The following MACROD2 variants were observed in gnomAD, a reference collection of about 807,000 sequenced individuals.
The protein encoded by MACROD2 is ADP-ribose glycohydrolase MACROD2.
Under a neutral mutation model 70.4 loss-of-function variants are expected in MACROD2, and 36 were observed. That is an observed-to-expected ratio of 0.51 (90% confidence interval 0.39 to 0.68). The LOEUF is 0.68. Ranked by LOEUF, MACROD2 falls within the 30% of genes least tolerant of loss-of-function variation. The pLI, the probability that MACROD2 is intolerant of heterozygous loss-of-function variation, is 0.00. For synonymous variants in MACROD2, 172 were observed against 178.8 expected, an observed-to-expected ratio of 0.96 and a Z score of 0.30; for missense variants, 496 against 538.4, an observed-to-expected ratio of 0.92 and a Z score of 0.78.
intron 2 of MACROD2, among the ~76,000 whole-genome samples, chr20:14,004,715 G>T (rs1432177626): frequency 6.6e-6 from 1 of 151,910 alleles, no homozygotes; most frequent in Admixed American, 6.6e-5. Context: ...TATACATATG[G>T]TTATATTTGA....
chr20:15,460,977 C>CATATATATATATATATATAT (rs1157335873), intron 7 of MACROD2, among the ~76,000 whole-genome samples: 27 of 69,694 alleles, frequency 3.9e-4, no homozygotes, highest in Admixed American at 5.4e-4. Flanking sequence ...TCTCTCTCTC[C>CATATATATATATATATATAT]ATATATATAT....
chr20:14,257,133 C>T (rs1345820982), intron 3 of MACROD2, among the ~76,000 whole-genome samples: 1 of 152,118 alleles, frequency 6.6e-6, no homozygotes, highest in Non-Finnish European at 1.5e-5. Flanking sequence ...GTGGTCTTTA[C>T]CCTGCACCAA....
At chr20:14,075,196 A>G (rs1017180020) in intron 2 of MACROD2, among the ~76,000 whole-genome samples, 2 of 152,242 alleles carry the variant, frequency 1.3e-5, no homozygotes, top group South Asian at 2.1e-4. Context: ...GAGATTTACT[A>G]TAAGAACAAA....
At chr20:15,660,066 A>G (rs1250601457) in intron 8 of MACROD2, among the ~76,000 whole-genome samples, 2 of 152,126 alleles carry the variant, frequency 1.3e-5, no homozygotes, top group African/African-American at 2.4e-5. Context: ...AACTTCATAC[A>G]GTCACATAAA....
intron 3 of MACROD2, among the ~76,000 whole-genome samples, chr20:14,492,074 C>T (rs2084801512): frequency 6.6e-6 from 1 of 152,200 alleles, no homozygotes; most frequent in African/African-American, 2.4e-5. Flanking sequence ...CCTCATGCCC[C>T]TTCAATAAGT....
chr20:14,802,907 A>C (rs1431088040), intron 5 of MACROD2, among the ~76,000 whole-genome samples: 1 of 152,120 alleles, frequency 6.6e-6, no homozygotes, highest in East Asian at 1.9e-4. Context: ...TATTAGAGAT[A>C]TGCCTACCAT....
chr20:15,340,084 G>A (rs6043219), intron 6 of MACROD2, among the ~76,000 whole-genome samples: 28,075 of 143,314 alleles, frequency 0.2, 2,893 homozygotes, highest in Non-Finnish European at 0.23. Flanking sequence ...GTGCTTTTTC[G>A]TCCTTTGTCA....
chr20:14,876,069 A>G lies in MACROD2; in HGVS notation c.418+191110A>G, dbSNP rs181795712. Among the ~76,000 whole-genome samples, 358 of 152,260 alleles carry G rather than the reference A, an allele frequency of 2.4e-3. 2 individuals carry two copies. The highest frequency in any genetic ancestry group is 8.3e-3 in the African/African-American group (344 of 41,568). Reference sequence around the variant, plus strand: ...ACTGCTTTCTACAGTTTAGAAATTGATCTAATTTACACTCCCACCAACAAA... The same window carrying G: ...ACTGCTTTCTACAGTTTAGAAATTGGTCTAATTTACACTCCCACCAACAAA... On this transcript the variant is annotated intron_variant, in intron 5 of 17. Transcript: ENST00000684519.
intron 6 of MACROD2, among the ~76,000 whole-genome samples, chr20:15,320,738 C>A (rs980111018): frequency 2.0e-5 from 3 of 152,126 alleles, no homozygotes; most frequent in African/African-American, 4.8e-5. Context: ...CAGGCACTTA[C>A]TCCTTAGGTC....
intron 5 of MACROD2, among the ~76,000 whole-genome samples, chr20:15,066,298 A>AT (rs549417750): frequency 6.4e-4 from 97 of 151,092 alleles, no homozygotes; most frequent in African/African-American, 1.9e-3. Flanking sequence ...CGCCTGGCTA[A>AT]TTTTTTTGTA....
intron 5 of MACROD2, among the ~76,000 whole-genome samples, chr20:15,172,498 T>G (rs1296638929): frequency 6.6e-6 from 1 of 152,208 alleles, no homozygotes; most frequent in Non-Finnish European, 1.5e-5. Flanking sequence ...GCTATCCTCC[T>G]GCCTCAGCCT....
chr20:15,508,921 G>A (rs2047463391), intron 8 of MACROD2, among the ~76,000 whole-genome samples: 1 of 152,120 alleles, frequency 6.6e-6, no homozygotes, highest in Admixed American at 6.5e-5. Context: ...CAAAACTGAA[G>A]CAAAAAGCAG....
chr20:14,171,379 C>T (rs770049025), intron 3 of MACROD2, among the ~76,000 whole-genome samples: 78 of 152,050 alleles, frequency 5.1e-4, no homozygotes, highest in Middle Eastern at 3.4e-3. Context: ...TTTTCTTCTT[C>T]TGGATTTGGA....
At chr20:14,043,454 C>T (rs1035804250) in intron 2 of MACROD2, among the ~76,000 whole-genome samples, 2 of 152,162 alleles carry the variant, frequency 1.3e-5, no homozygotes, top group Non-Finnish European at 2.9e-5. Flanking sequence ...CCTAGAGGAA[C>T]CTTTATGTGT....
At chr20:15,354,631 T>A (rs1005912217) in intron 6 of MACROD2, among the ~76,000 whole-genome samples, 3 of 151,630 alleles carry the variant, frequency 2.0e-5, no homozygotes, top group Non-Finnish European at 4.4e-5. Context: ...TCCTAGGAAC[T>A]TAAATGTAAA....
intron 8 of MACROD2, among the ~76,000 whole-genome samples, chr20:15,772,192 A>G (rs1055189505): frequency 6.7e-6 from 1 of 149,862 alleles, no homozygotes; most frequent in African/African-American, 2.4e-5. Context: ...CACGTGGTCA[A>G]GCTCTTTGGC....
At chr20:14,824,760 A>G (rs975752724) in intron 5 of MACROD2, among the ~76,000 whole-genome samples, 1 of 152,070 alleles carries the variant, frequency 6.6e-6, no homozygotes, top group Non-Finnish European at 1.5e-5. Context: ...GGGAGGGGCT[A>G]CCCATGGATA....
At chr20:15,655,907 T>A (rs2049723011) in intron 8 of MACROD2, among the ~76,000 whole-genome samples, 1 of 152,214 alleles carries the variant, frequency 6.6e-6, no homozygotes, top group Admixed American at 6.5e-5. Context: ...CATCTTTGAT[T>A]TCTGCTGTTG....
rs144382446 is a variant in MACROD2, at chr20:14,330,133, C to T, written c.272-163346C>T. Among the ~76,000 whole-genome samples the T allele has an allele frequency of 5.9e-3, 892 of 152,108 alleles. 10 individuals are homozygous for T. Among genetic ancestry groups the T allele is most frequent in the African/African-American group, 0.02 (826 of 41,532 alleles). ...GAAAGCACATCAAAACCAGGTGGGG[C>T]ATTTCTCTCTAGGTTCATACATGAA... On this transcript the variant is annotated intron_variant, in intron 3 of 17. Transcript: ENST00000684519.
Sources: allele counts gnomAD v4.1 joint callset (sites outside exome capture counted in the v4.1 genomes callset), GRCh38; gene constraint gnomAD v4.1.1; transcripts MANE v1.5; gene names NCBI Gene and HGNC (gene_info 2026-07-23, HGNC 2026-07-21).